Variants in FAM227B observed in about 807,000 individuals in gnomAD.
FAM227B encodes protein FAM227B.
A neutral mutation model predicts 73.8 loss-of-function variants in FAM227B; 88 were observed. The observed-to-expected ratio is 1.19, with a 90% CI of 1.00 to 1.42. The LOEUF is 1.42. FAM227B is among the 40% of genes most tolerant of loss of function. FAM227B has a pLI of 0.00. For missense variants in FAM227B, 632 were observed against 590.9 expected (o/e 1.07, Z -0.72); for synonymous variants, 210 against 190.5 (o/e 1.10, Z -0.84).
intron 3 of FAM227B, among the ~76,000 whole-genome samples, chr15:49,610,023 G>T (rs1241101103): frequency 6.6e-6 from 1 of 151,840 alleles, no homozygotes; most frequent in Non-Finnish European, 1.5e-5. Flanking sequence ...GGTTTGATTT[G>T]ATTTTTATCC....
intron 3 of FAM227B, among the ~76,000 whole-genome samples, chr15:49,591,045 A>ATTTTTTTT (rs748799826): frequency 3.2e-4 from 23 of 72,554 alleles, no homozygotes; most frequent in African/African-American, 7.5e-4. Flanking sequence ...TTTTTTTTTG[A>ATTTTTTTT]TTTTTTTTTT....
chr15:49,592,377 G>C (rs1159412676), intron 3 of FAM227B, among the ~76,000 whole-genome samples: 1 of 152,180 alleles, frequency 6.6e-6, no homozygotes, highest in Non-Finnish European at 1.5e-5. Context: ...TGTGGATGTT[G>C]ATGCTATTCC....
rs1240658461 is a variant in FAM227B at position 49,368,947 on chromosome 15, T to TTTTTG, written c.1111-1344_1111-1340dup. On this transcript the variant is annotated intron_variant, in intron 12 of 15. Coordinates refer to ENST00000299338, the MANE Select transcript of FAM227B (RefSeq NM_152647.3). Reference sequence around the variant, plus strand: ...TATTAAATGCAATCCCGTGGTGTTGTTTTTGTTTTGTTTTTGTTTGTTTGT... The same window carrying TTTTTG: ...TATTAAATGCAATCCCGTGGTGTTGTTTTTGTTTTGTTTTGTTTTTGTTTGTTTGT... Among the ~76,000 whole-genome samples the TTTTTG allele has an allele frequency of 8.5e-5, 13 of 152,084 alleles. No individual in the cohort carries two copies. The East Asian group carries it at 2.5e-3, about 29-fold the overall frequency.
chr15:49,355,191 C>T (rs1323778364), intron 13 of FAM227B, among the ~76,000 whole-genome samples: 1 of 152,134 alleles, frequency 6.6e-6, no homozygotes, highest in Non-Finnish European at 1.5e-5. Context: ...GCCTCTCCTC[C>T]TCCAAAGGAA....
At chr15:49,371,681 T>A (rs1020702396) in intron 11 of FAM227B, among the ~76,000 whole-genome samples, 46 of 150,746 alleles carry the variant, frequency 3.1e-4, no homozygotes, top group Non-Finnish European at 6.2e-4. Flanking sequence ...AATAAATAAA[T>A]GAAATAAAAT....
chr15:49,342,142 C>A (rs879336326), intron 13 of FAM227B, among the ~76,000 whole-genome samples: 1 of 152,048 alleles, frequency 6.6e-6, no homozygotes, highest in Non-Finnish European at 1.5e-5. Flanking sequence ...TGAAGTTCCC[C>A]GTCCCATTAT....
intron 9 of FAM227B, among the ~76,000 whole-genome samples, chr15:49,566,247 T>G (rs936223864): frequency 6.8e-6 from 1 of 146,504 alleles, no homozygotes; most frequent in African/African-American, 2.6e-5. Flanking sequence ...CATATTTAAT[T>G]TTATTAAATG....
At chr15:49,340,046 G>T (rs968366838) in intron 13 of FAM227B, among the ~76,000 whole-genome samples, 6 of 152,156 alleles carry the variant, frequency 3.9e-5, no homozygotes, top group South Asian at 2.1e-4. Context: ...ATCTTAACTT[G>T]CTGGGCTCAG....
intron 11 of FAM227B, among the ~76,000 whole-genome samples, chr15:49,428,164 G>A (rs1366112590): frequency 2.0e-5 from 3 of 151,908 alleles, no homozygotes; most frequent in Non-Finnish European, 4.4e-5. Context: ...GACAGAAGCT[G>A]CTACTAGAGA....
chr15:49,465,505 GA>G (rs1567330115), intron 11 of FAM227B, among the ~76,000 whole-genome samples: 2 of 152,030 alleles, frequency 1.3e-5, no homozygotes, highest in African/African-American at 4.8e-5. Flanking sequence ...AGAGTACATA[GA>G]AAACATATGT....
At chr15:49,478,625 T>C (rs1269294907) in intron 11 of FAM227B, among the ~76,000 whole-genome samples, 1 of 152,190 alleles carries the variant, frequency 6.6e-6, no homozygotes, top group Non-Finnish European at 1.5e-5. Flanking sequence ...CAAGATTAAA[T>C]GTTCTGATTG....
At chr15:49,431,770 T>G (rs965613931) in intron 11 of FAM227B, among the ~76,000 whole-genome samples, 3 of 151,808 alleles carry the variant, frequency 2.0e-5, no homozygotes, top group African/African-American at 7.2e-5. Flanking sequence ...TTAAATCTTC[T>G]GTAAACTTAA....
At position 49,384,653 on chromosome 15, in the gene FAM227B, T is replaced by G. The variant is rs185880312; in HGVS notation, c.1013-13254A>C. ...CATATTATACCAGATTGGCATTGTT[T>G]TCATTCTGCTACTCAAAGTATAAAT... On this transcript the variant is annotated intron_variant, in intron 11 of 15. Transcript: ENST00000299338. Among the ~76,000 whole-genome samples, 369 of 152,106 alleles carry G rather than the reference T, an allele frequency of 2.4e-3. 4 individuals carry two copies. The highest frequency in any genetic ancestry group is 8.3e-3 in the African/African-American group (346 of 41,536).
chr15:49,329,373 G>A (rs1001953036), intron 15 of FAM227B: 134 of 984,928 alleles, frequency 1.4e-4, no homozygotes, highest in Non-Finnish European at 1.6e-4. Context: ...AAATACTCAG[G>A]TAATTGAGAT....
chr15:49,380,830 G>A (rs150051909), intron 11 of FAM227B, among the ~76,000 whole-genome samples: 2,723 of 152,134 alleles, frequency 0.018, 38 homozygotes, highest in Middle Eastern at 0.031. Context: ...TGTGGTCAAT[G>A]AAATGTCGGC....
intron 10 of FAM227B, among the ~76,000 whole-genome samples, chr15:49,518,205 T>C (rs1038634082): frequency 6.6e-6 from 1 of 152,192 alleles, no homozygotes; most frequent in Non-Finnish European, 1.5e-5. Flanking sequence ...TTAGTAGATA[T>C]TGGCAGTTGT....
chr15:49,617,273 C>A (rs909575261), intron 1 of FAM227B, among the ~76,000 whole-genome samples: 1 of 151,970 alleles, frequency 6.6e-6, no homozygotes, highest in African/African-American at 2.4e-5. Flanking sequence ...AAAATCTAGG[C>A]ATATACAGAC....
At chr15:49,521,762 T>G (rs774610641) in intron 10 of FAM227B, among the ~76,000 whole-genome samples, 4 of 152,000 alleles carry the variant, frequency 2.6e-5, no homozygotes, top group African/African-American at 9.7e-5. Context: ...AAGAACAGAA[T>G]CTATTTTAAC....
chr15:49,468,218 TA>T (rs963303063), intron 11 of FAM227B, among the ~76,000 whole-genome samples: 1 of 152,146 alleles, frequency 6.6e-6, no homozygotes, highest in Non-Finnish European at 1.5e-5. Context: ...ATGGGATTAA[TA>T]AGAAGTATGT....
Sources: allele counts gnomAD v4.1 joint callset (sites outside exome capture counted in the v4.1 genomes callset), GRCh38; gene constraint gnomAD v4.1.1; transcripts MANE v1.5; gene names NCBI Gene and HGNC (gene_info 2026-07-23, HGNC 2026-07-21).